EML5: variants seen among roughly 807,000 people sequenced by gnomAD.
EML5 encodes the protein echinoderm microtubule-associated protein-like 5.
In EML5, 120 loss-of-function variants were observed where a neutral mutation model predicts 250.0. The observed-to-expected ratio is 0.48, with a 90% CI of 0.41 to 0.56. The LOEUF is 0.56. EML5 is among the 20% of genes least tolerant of loss of function. EML5 has a pLI of 0.00. For missense variants in EML5, 2,006 were observed against 2,437.6 expected, an observed-to-expected ratio of 0.82 and a Z score of 3.73; for synonymous variants, 771 against 806.5, an observed-to-expected ratio of 0.96 and a Z score of 0.75.
intron 8 of EML5, 65 bp downstream of exon 8, chr14:88,726,476 A>G: frequency 7.2e-7 from 1 of 1,397,382 alleles, no homozygotes; most frequent in East Asian, 2.5e-5. Context: ...CGCTGAAGAG[A>G]AAATTACTTA....
At position 88,687,350 on chromosome 14, in the gene EML5, GTTAATAAAGATCTAAATATTTT is replaced by G. The variant is rs774219045; in HGVS notation, c.2743-45_2743-24del. ...CCCCTATGGAAAAAAAAAGGTTCAA[GTTAATAAAGATCTAAATATTTT>G]TTAAAATAGTAACCTTTTTCCTTAT... On this transcript the variant is annotated intron_variant, in intron 18 of 43. Coordinates refer to ENST00000554922, the MANE Select transcript of EML5 (RefSeq NM_183387.3). 56 of 1,490,854 alleles carry G rather than the reference GTTAATAAAGATCTAAATATTTT, an allele frequency of 3.8e-5. 1 individual carries two copies. In the African/African-American group the frequency reaches 6.8e-4, roughly 18 times the overall value. The allele number at this position is 1,490,854 out of a possible 1,614,324, so 92.4% of individuals were successfully genotyped here. A position where few individuals can be genotyped will look rare whatever the true frequency, so the allele number is the denominator to read the frequency against.
chr14:88,712,801 T>C (rs1742675434), intron 9 of EML5, among the ~76,000 whole-genome samples: 1 of 151,924 alleles, frequency 6.6e-6, no homozygotes, highest in African/African-American at 2.4e-5. Context: ...CATAACAGGG[T>C]AAGTTATAAA....
At chr14:88,765,100 T>C (rs1255728480) in intron 1 of EML5, among the ~76,000 whole-genome samples, 1 of 150,478 alleles carries the variant, frequency 6.6e-6, no homozygotes, top group Non-Finnish European at 1.5e-5. Flanking sequence ...AAGGGTATTA[T>C]ATTAGTTTTC....
intron 23 of EML5, 105 bp downstream of exon 23, chr14:88,664,388 C>A (rs2140979271): frequency 1.1e-6 from 1 of 926,526 alleles, no homozygotes; most frequent in East Asian, 3.0e-5. Flanking sequence ...TTGTTTTTCC[C>A]AATTCTTTTT....
At chr14:88,644,615 A>C in intron 29 of EML5, 104 bp from the exon 30 acceptor site, 1 of 977,038 alleles carries the variant, frequency 1.0e-6, no homozygotes, top group Non-Finnish European at 1.6e-6. Context: ...ACACCTTCCC[A>C]AAGATGACCC....
Position 88,646,946 on chromosome 14 carries a change from C to T in EML5, c.4028+1G>A. The T allele has an allele frequency of 6.3e-7, 1 of 1,592,182 alleles. No individual in the cohort carries two copies. The highest frequency in any genetic ancestry group is 8.5e-7 in the Non-Finnish European group (1 of 1,177,636). ...TGTAAACACAGCAAAGAGAGGATTA[C>T]CTGGAACCTCTTTTCAGCAGCAGAT... On this transcript the variant is annotated splice_donor_variant, in intron 29 of 43. Coordinates refer to ENST00000554922, the MANE Select transcript of EML5 (RefSeq NM_183387.3). LOFTEE classifies it high-confidence loss of function.
intron 1 of EML5, among the ~76,000 whole-genome samples, chr14:88,756,513 G>C (rs1402859480): frequency 1.3e-5 from 2 of 151,996 alleles, no homozygotes; most frequent in East Asian, 3.9e-4. Context: ...AATAGGCCAG[G>C]AAAAGGAACA....
chr14:88,699,840 G>C (rs1236781831), intron 14 of EML5, among the ~76,000 whole-genome samples: 1 of 152,090 alleles, frequency 6.6e-6, no homozygotes. Context: ...AACACGAAAC[G>C]ATGAACAGGT....
At chr14:88,739,670 T>C (rs1379625157) in intron 5 of EML5, among the ~76,000 whole-genome samples, 1 of 152,284 alleles carries the variant, frequency 6.6e-6, no homozygotes, top group East Asian at 1.9e-4. Flanking sequence ...AATTTGTTCA[T>C]ATGAGAAAAG....
chr14:88,620,903 C>T lies in EML5; in HGVS notation c.5226G>A (p.Leu1742=). The T allele has an allele frequency of 2.0e-6, 3 of 1,514,750 alleles. No homozygotes were observed. The highest frequency in any genetic ancestry group is 2.6e-5 in the South Asian group (2 of 76,544). The allele number at this position is 1,514,750 out of a possible 1,614,324, so 93.8% of individuals were successfully genotyped here. A position where few individuals can be genotyped will look rare whatever the true frequency, so the allele number is the denominator to read the frequency against. The change falls in exon 39 of 44, where the codon TTG becomes TTA. Residue 1742 remains leucine (L), a synonymous_variant. Coordinates refer to ENST00000554922, the MANE Select transcript of EML5 (RefSeq NM_183387.3). The surrounding 1 kb of genome is among the most constrained non-coding windows in gnomAD (Gnocchi z 4.3). ...ADKKMLNKVN[L]GHAARTVCYS... is the part of the protein sequence containing the mutation. ...AACACACAGTACGAGCAGCATGTCC[C>T]AAATTCACTTTGTTTAACATCTTCT...
chr14:88,785,595 A>T (rs1344564998), intron 1 of EML5, among the ~76,000 whole-genome samples: 1 of 152,196 alleles, frequency 6.6e-6, no homozygotes, highest in East Asian at 1.9e-4. Context: ...CCATTCTTCC[A>T]ATTGTTCTGA....
At chr14:88,686,578 G>A (rs371831548) in intron 19 of EML5, among the ~76,000 whole-genome samples, 7 of 151,806 alleles carry the variant, frequency 4.6e-5, no homozygotes, top group South Asian at 2.1e-4. Context: ...TCAGTGCTTC[G>A]GGAGGCCAAG....
At chr14:88,752,393 T>C (rs192004640) in intron 2 of EML5, among the ~76,000 whole-genome samples, 1 of 152,312 alleles carries the variant, frequency 6.6e-6, no homozygotes, top group East Asian at 1.9e-4. Flanking sequence ...TGCTATGAAA[T>C]AGGTATTATT....
chr14:88,658,331 G>A lies in EML5; in HGVS notation c.3733C>T (p.Arg1245Cys), dbSNP rs1233127593. 31 of 1,613,542 alleles carry A rather than the reference G, an allele frequency of 1.9e-5. No individual in the cohort carries two copies. Among genetic ancestry groups the A allele is most frequent in the Admixed American group, 3.3e-5 (2 of 59,956 alleles). ...VAHSTHVTNV[R>C]WTYDDSMLVT... The stretch of plus-strand genomic sequence containing the variant: ...AACATGCTGTCATCATAAGTCCAGC[G>A]AACATTTGTGACATGTGTACTATGG... Residue 1245 changes from arginine (R) to cysteine (C), a missense_variant, in exon 26 of 44, where the codon CGC (arginine) becomes TGC (cysteine). Around this residue, in one of 7 missense-constraint regions of EML5, gnomAD observed 1,375 missense variants for 1,590.3 expected, o/e 0.86. Transcript: ENST00000554922.
chr14:88,712,258 A>G lies in EML5; in HGVS notation c.1657+13T>C. On this transcript the variant is annotated intron_variant, in intron 10 of 43. Transcript: ENST00000554922. ...GAGAGAGAGGTTACTTAATATTTTG[A>G]AAGAAAAGGTACCTTTTCTTAAACA... The G allele has an allele frequency of 6.4e-7, 1 of 1,559,264 alleles. No homozygotes were observed. Among genetic ancestry groups the G allele is most frequent in the Non-Finnish European group, 8.8e-7 (1 of 1,133,556 alleles).
At chr14:88,728,343 T>A (rs2093699166) in intron 7 of EML5, among the ~76,000 whole-genome samples, 1 of 151,610 alleles carries the variant, frequency 6.6e-6, no homozygotes, top group African/African-American at 2.4e-5. Flanking sequence ...AAGCACCAAT[T>A]CCCATGCCAT....
In EML5 at chr14:88,792,598, G is replaced by T; in HGVS notation, c.-95C>A. 2 of 1,186,576 alleles carry T rather than the reference G, an allele frequency of 1.7e-6. No individual in the cohort carries two copies. The highest frequency in any genetic ancestry group is 2.1e-6 in the Non-Finnish European group (2 of 958,564). 73.5% of individuals were successfully genotyped at this position (1,186,576 alleles called of 1,614,324 possible). Reference sequence around the variant, plus strand: ...CGAAAGCCCTCCCGCTGGCTGCCGGGACTTCCCGCCAGCCGCGTCCTCTAA... The same window carrying T: ...CGAAAGCCCTCCCGCTGGCTGCCGGTACTTCCCGCCAGCCGCGTCCTCTAA... On this transcript the variant is annotated 5_prime_UTR_variant, in exon 1 of 44. Coordinates refer to ENST00000554922, the MANE Select transcript of EML5 (RefSeq NM_183387.3). The surrounding 1 kb of genome is among the most constrained non-coding windows in gnomAD (Gnocchi z 6.9).
chr14:88,657,728 C>A (rs991780431), intron 26 of EML5, among the ~76,000 whole-genome samples: 5 of 152,000 alleles, frequency 3.3e-5, no homozygotes, highest in Admixed American at 6.6e-5. Context: ...AAAATAAGTT[C>A]AATATGACCA....
At position 88,744,007 on chromosome 14, in the gene EML5, A is replaced by C; in HGVS notation, c.525+16T>G. The stretch of plus-strand genomic sequence containing the variant: ...GAACTAAACGTGACTATTATAAAAC[A>C]AGACCCTTCTAGTACCTTGATATGT... On this transcript the variant is annotated intron_variant, in intron 4 of 43. Transcript: ENST00000554922. 6.5e-7 allele frequency: 1 copy of C among 1,528,008 alleles called. No individual in the cohort carries two copies. The highest frequency in any genetic ancestry group is 8.9e-7 in the Non-Finnish European group (1 of 1,128,048). The allele number at this position is 1,528,008 out of a possible 1,614,324, so 94.7% of individuals were successfully genotyped here.
Sources: allele counts gnomAD v4.1 joint callset (sites outside exome capture counted in the v4.1 genomes callset), GRCh38; gene constraint gnomAD v4.1.1; regional missense constraint gnomAD v4.1.1; non-coding constraint Gnocchi (gnomAD v3.1); transcripts MANE v1.5; gene names NCBI Gene and HGNC (gene_info 2026-07-23, HGNC 2026-07-21).